BAHD1: variants seen among roughly 807,000 people sequenced by gnomAD.
The protein encoded by BAHD1 is bromo adjacent homology domain-containing 1 protein.
BAHD1 carries 20 observed loss-of-function variants against 63.1 expected under a neutral mutation model. The observed-to-expected ratio is 0.32, with a 90% confidence interval of 0.22 to 0.46. The LOEUF is 0.46. Ranked by LOEUF, BAHD1 falls within the 20% of genes least tolerant of loss-of-function variation. The pLI is 1.00. For missense variants in BAHD1, 939 were observed against 1,071.8 expected (o/e 0.88, Z 1.73); for synonymous variants, 408 against 426.8 (o/e 0.96, Z 0.54).
Position 40,458,511 on chromosome 15 carries a change from T to A in BAHD1, c.47T>A (p.Leu16His). The change falls in exon 2 of 7, where the codon CTC becomes CAC. Residue 16 changes from leucine to histidine, a missense_variant. Leu to His is a moderately conservative substitution (Grantham distance 99, BLOSUM62 -3). This residue lies in a region of BAHD1 where 797 missense variants were observed against 813.3 expected (regional missense o/e 0.98). Coordinates refer to ENST00000416165, the MANE Select transcript of BAHD1 (RefSeq NM_014952.5). The surrounding 1 kb of genome is among the most constrained non-coding windows in gnomAD (Gnocchi z 4.7). ...TCCCTTCCCATGCTGAGTTCGGGCC[T>A]CACTGGCCGCCGAGAGCCCCTGCAG... ...RKSLPMLSSG[L>H]TGRREPLQME... The A allele has an allele frequency of 6.2e-7, 1 of 1,611,088 alleles. No homozygotes were observed. The highest frequency in any genetic ancestry group is 1.1e-5 in the South Asian group (1 of 90,752).
At chr15:40,449,455 A>G (rs368425644) in intron 1 of BAHD1, among the ~76,000 whole-genome samples, 2 of 152,154 alleles carry the variant, frequency 1.3e-5, no homozygotes, top group Non-Finnish European at 2.9e-5. Flanking sequence ...AGGGGCAGCC[A>G]CAGCCAGTGG....
chr15:40,443,178 G>A (rs1893449901), intron 1 of BAHD1: 1 of 809,758 alleles, frequency 1.2e-6, no homozygotes, highest in African/African-American at 1.9e-5. Context: ...TCTCAACTGT[G>A]GTTGGCTGTA....
chr15:40,451,509 T>C (rs1260193330), intron 1 of BAHD1, among the ~76,000 whole-genome samples: 1 of 152,270 alleles, frequency 6.6e-6, no homozygotes, highest in Non-Finnish European at 1.5e-5. Flanking sequence ...TGAGCTTGTA[T>C]TGAGAACCTG....
intron 3 of BAHD1, among the ~76,000 whole-genome samples, chr15:40,462,904 T>A (rs1055459452): frequency 1.3e-5 from 2 of 151,554 alleles, no homozygotes; most frequent in African/African-American, 4.9e-5. Context: ...GGTCCAGGAG[T>A]TCAAGGCTGC....
At chr15:40,440,416 C>T (rs1237641909), upstream of BAHD1, among the ~76,000 whole-genome samples, 1 of 151,928 alleles carries the variant, frequency 6.6e-6, no homozygotes, top group African/African-American at 2.4e-5. Flanking sequence ...GCTTGATTTT[C>T]GGCTGGTCTT....
intron 1 of BAHD1, among the ~76,000 whole-genome samples, chr15:40,446,444 G>A (rs1025487030): frequency 9.2e-5 from 14 of 152,196 alleles, no homozygotes; most frequent in Admixed American, 1.3e-4. Context: ...CTGTGGGTGG[G>A]AGTGGGGTCA....
At chr15:40,438,880 C>G (rs1212427548), upstream of BAHD1, among the ~76,000 whole-genome samples, 3 of 152,236 alleles carry the variant, frequency 2.0e-5, no homozygotes, top group African/African-American at 7.2e-5. Flanking sequence ...GGGCTGCAGA[C>G]AGGAGCCCGG....
At chr15:40,451,516 C>A (rs1034177762) in intron 1 of BAHD1, among the ~76,000 whole-genome samples, 1 of 152,258 alleles carries the variant, frequency 6.6e-6, no homozygotes, top group Non-Finnish European at 1.5e-5. Context: ...GTATTGAGAA[C>A]CTGCTGTATT....
In BAHD1 at chr15:40,459,763, G is replaced by T. The variant is rs1295075622; in HGVS notation, c.1299G>T (p.Trp433Cys). The T allele has an allele frequency of 1.9e-6, 3 of 1,613,830 alleles. No individual in the cohort carries two copies. The African/African-American group carries it at 4.0e-5, about 22-fold the overall frequency. The change falls in exon 2 of 7, where the codon TGG becomes TGT. Residue 433 changes from tryptophan to cysteine, a missense_variant. Trp to Cys is a radical substitution (Grantham distance 215). Coordinates refer to ENST00000416165, the MANE Select transcript of BAHD1 (RefSeq NM_014952.5). ...PSGTPFQHPP[W>C]GSSRYCSSED... is the part of the protein sequence containing the mutation. ...GCACCCCTTTCCAGCACCCTCCCTG[G>T]GGCTCCTCTCGCTACTGCTCTAGCG...
intron 2 of BAHD1, among the ~76,000 whole-genome samples, chr15:40,461,214 G>C (rs1294591937): frequency 6.6e-6 from 1 of 152,148 alleles, no homozygotes; most frequent in South Asian, 2.1e-4. Flanking sequence ...ATGAGTTAAT[G>C]TGTTCGTAAG....
Position 40,441,098 on chromosome 15 carries a change from CCGGCCGCGGTCCCCGCT to C in BAHD1, c.-183_-167del, listed in dbSNP as rs1479253584. On this transcript the variant is annotated 5_prime_UTR_variant, in exon 1 of 7. Coordinates refer to ENST00000416165, the MANE Select transcript of BAHD1 (RefSeq NM_014952.5). Reference sequence around the variant, plus strand: ...CGCCCGCCCCCCCCGACGGCCCCGCCCGGCCGCGGTCCCCGCTCCGCCCGCCCGGCCCCGGCCCCCAG... The same window carrying C: ...CGCCCGCCCCCCCCGACGGCCCCGCCCCGCCCGCCCGGCCCCGGCCCCCAG... The C allele has an allele frequency of 3.4e-5, 5 of 147,164 alleles. No individual in the cohort carries two copies. Among genetic ancestry groups the C allele is most frequent in the African/African-American group, 9.8e-5 (4 of 40,778 alleles). The allele number at this position is 147,164 out of a possible 1,614,324, so 9.1% of individuals were successfully genotyped here.
At chr15:40,443,351 TAA>T in intron 1 of BAHD1, 2 of 973,144 alleles carry the variant, frequency 2.1e-6, no homozygotes, top group Non-Finnish European at 2.4e-6. Context: ...CTCAGGAGGC[TAA>T]AGTTTGTTCT....
At chr15:40,440,233 AAG>A (rs1893361272), upstream of BAHD1, among the ~76,000 whole-genome samples, 1 of 152,060 alleles carries the variant, frequency 6.6e-6, no homozygotes, top group African/African-American at 2.4e-5. Flanking sequence ...AAAGAGGAAA[AAG>A]AGATGCGGGT....
chr15:40,464,187 G>T, intron 4 of BAHD1, 167 bp downstream of exon 4: 2 of 853,044 alleles, frequency 2.3e-6, no homozygotes, highest in Non-Finnish European at 3.6e-6. Context: ...GAGGGCTGTG[G>T]GTGACCTTGT....
At position 40,467,223 on chromosome 15, in the gene BAHD1, C is replaced by T. The variant is rs1434326276; in HGVS notation, c.*1093C>T. 2 of 152,862 alleles carry T rather than the reference C, an allele frequency of 1.3e-5. No individual in the cohort carries two copies. Among genetic ancestry groups the T allele is most frequent in the African/African-American group, 4.8e-5 (2 of 41,478 alleles). 9.5% of individuals were successfully genotyped at this position (152,862 alleles called of 1,614,324 possible). On this transcript the variant is annotated 3_prime_UTR_variant, in exon 7 of 7. Transcript: ENST00000416165. ...TCAGTTTGTTCCTGTTGCCCAGAGG[C>T]CCTGTTCTCACCTCATGCTGCTCCC...
intron 2 of BAHD1, among the ~76,000 whole-genome samples, chr15:40,461,438 G>GACC (rs1359173719): frequency 1.3e-5 from 2 of 152,142 alleles, no homozygotes; most frequent in African/African-American, 4.8e-5. Flanking sequence ...AGTAGGTTGA[G>GACC]ACCAGCCTGT....
At chr15:40,457,665 C>G (rs1174395215) in intron 1 of BAHD1, among the ~76,000 whole-genome samples, 1 of 152,220 alleles carries the variant, frequency 6.6e-6, no homozygotes, top group East Asian at 1.9e-4. Flanking sequence ...CTCAGAAGCC[C>G]TGCGTTTGGG....
At chr15:40,449,536 A>G (rs369446444) in intron 1 of BAHD1, among the ~76,000 whole-genome samples, 3 of 152,186 alleles carry the variant, frequency 2.0e-5, no homozygotes, top group South Asian at 4.1e-4. Flanking sequence ...ATGGTGACTC[A>G]TGCCTGTAAT....
Position 40,458,559 on chromosome 15 carries a change from A to C in BAHD1, c.95A>C (p.Gln32Pro), listed in dbSNP as rs771750891. ...PLQMEDSNME[Q>P]GVEGVEPGMP... is the part of the protein sequence containing the mutation. ...CAGATGGAAGACAGCAACATGGAGCAGGGGGTTGAGGGTGTGGAGCCAGGC... is the reference window on the plus strand; with the variant it reads ...CAGATGGAAGACAGCAACATGGAGCCGGGGGTTGAGGGTGTGGAGCCAGGC... Residue 32 changes from glutamine (Q) to proline (P), a missense_variant, in exon 2 of 7, where the codon CAG (glutamine) becomes CCG (proline). Physicochemically the swap from Gln to Pro is moderately conservative, Grantham distance 76. Transcript: ENST00000416165. This position sits in a 1 kb window ranked among gnomAD's most constrained non-coding sequence, Gnocchi z 4.7. 112 of 1,613,786 alleles carry C rather than the reference A, an allele frequency of 6.9e-5. No homozygotes were observed. The highest frequency in any genetic ancestry group is 9.2e-5 in the Non-Finnish European group (108 of 1,179,958).
Sources: gnomAD v4.1 joint callset for allele counts (sites outside exome capture counted in the v4.1 genomes callset) on GRCh38, gnomAD v4.1.1 for gene constraint, gnomAD v4.1.1 regional missense constraint, Gnocchi (gnomAD v3.1) non-coding constraint, MANE v1.5 for transcripts, NCBI Gene and HGNC (gene_info 2026-07-23, HGNC 2026-07-21) for gene names.